The following TENM3 variants were observed in gnomAD, a reference collection of about 807,000 sequenced individuals.
TENM3 encodes the protein teneurin transmembrane protein 3, also known as teneurin-3.
A neutral mutation model predicts 255.1 loss-of-function variants in TENM3; 63 were observed. The observed-to-expected ratio is 0.25, with a 90% CI of 0.20 to 0.30. The LOEUF is 0.30. TENM3 is among the 10% of genes least tolerant of loss of function. The pLI is 1.00. For missense variants in TENM3, 2,929 were observed against 3,461.1 expected (o/e 0.85, Z 3.86); for synonymous variants, 1,306 against 1,322.3 (o/e 0.99, Z 0.27).
the TENM3 span, among the ~76,000 whole-genome samples, chr4:181,915,767 G>A: frequency 1.6e-4 from 24 of 151,910 alleles, no homozygotes; most frequent in African/African-American, 5.6e-4. Context: ...GGAACAGGAA[G>A]GTGATTCAGG....
the TENM3 span, among the ~76,000 whole-genome samples, chr4:181,536,870 G>T: frequency 1.3e-5 from 2 of 152,048 alleles, no homozygotes; most frequent in Non-Finnish European, 2.9e-5. Context: ...GTATTAATTT[G>T]CAATGAGAAA....
chr4:182,675,669 A>C (rs949582433), intron 7 of TENM3, among the ~76,000 whole-genome samples: 11 of 152,212 alleles, frequency 7.2e-5, no homozygotes, highest in Admixed American at 3.9e-4. Context: ...CTGAAACCGC[A>C]TATGTGATTA....
chr4:181,929,004 T>G, the TENM3 span, among the ~76,000 whole-genome samples: 1 of 152,150 alleles, frequency 6.6e-6, no homozygotes, highest in Non-Finnish European at 1.5e-5. Flanking sequence ...CCACTAGGCC[T>G]ACCTTACAAG....
At chr4:182,141,475 G>C (rs1192910685), upstream of TENM3, 1 of 150,214 alleles carries the variant, frequency 6.7e-6, no homozygotes, top group Non-Finnish European at 1.5e-5. Context: ...GGCCTCAAAT[G>C]ATGGAACTTC....
At chr4:181,953,801 CATATA>C in the TENM3 span, among the ~76,000 whole-genome samples, 6 of 152,032 alleles carry the variant, frequency 3.9e-5, no homozygotes, top group Non-Finnish European at 1.5e-5. Context: ...GTATAATTTA[CATATA>C]ATAGAATTCA....
chr4:182,332,998 A>G (rs530746960), intron 2 of TENM3, among the ~76,000 whole-genome samples: 3 of 152,332 alleles, frequency 2.0e-5, no homozygotes, highest in African/African-American at 7.2e-5. Flanking sequence ...GAGTAACCCC[A>G]AAAGATTTCA....
intron 1 of TENM3, among the ~76,000 whole-genome samples, chr4:182,156,697 A>C (rs1161253156): frequency 6.6e-6 from 1 of 151,452 alleles, no homozygotes; most frequent in Non-Finnish European, 1.5e-5. Flanking sequence ...TGAATCTGTA[A>C]AAATTACAAG....
At chr4:182,349,769 A>G in intron 3 of TENM3, 1 of 287,002 alleles carries the variant, frequency 3.5e-6, no homozygotes, top group East Asian at 1.2e-4. Flanking sequence ...AAAAAGCTAT[A>G]GATTTTCTGG....
the TENM3 span, among the ~76,000 whole-genome samples, chr4:181,774,040 AGT>A: frequency 1.1e-5 from 1 of 93,618 alleles, no homozygotes; most frequent in Non-Finnish European, 1.9e-5. Flanking sequence ...TTATACTCTA[AGT>A]TTTAGGGTAC....
chr4:181,913,963 A>G, the TENM3 span, among the ~76,000 whole-genome samples: 9 of 152,212 alleles, frequency 5.9e-5, no homozygotes, highest in African/African-American at 1.7e-4. Context: ...GTGATGTTCA[A>G]TGGAGAAGAT....
At chr4:181,488,305 C>T in the TENM3 span, among the ~76,000 whole-genome samples, 1 of 152,174 alleles carries the variant, frequency 6.6e-6, no homozygotes, top group Non-Finnish European at 1.5e-5. Context: ...ATTGCTTCAT[C>T]AGTACAATTG....
chr4:182,697,069 G>T (rs1447578901), intron 12 of TENM3, among the ~76,000 whole-genome samples: 3 of 152,160 alleles, frequency 2.0e-5, no homozygotes, highest in African/African-American at 7.2e-5. Flanking sequence ...TCATGTGGAA[G>T]AGCACTTAGC....
intron 1 of TENM3, among the ~76,000 whole-genome samples, chr4:182,259,460 C>T (rs1158575121): frequency 1.5e-4 from 23 of 152,104 alleles, no homozygotes; most frequent in African/African-American, 3.9e-4. Flanking sequence ...CACAGGTGCG[C>T]GCCACCACAC....
At chr4:182,330,820 A>T (rs1010875482) in intron 2 of TENM3, among the ~76,000 whole-genome samples, 17 of 152,362 alleles carry the variant, frequency 1.1e-4, no homozygotes, top group Non-Finnish European at 1.5e-4. Flanking sequence ...TGTCAGAAGC[A>T]CTACAAGAGA....
chr4:181,610,800 C>T, the TENM3 span, among the ~76,000 whole-genome samples: 2 of 152,106 alleles, frequency 1.3e-5, no homozygotes, highest in Admixed American at 1.3e-4. Flanking sequence ...ATGGAAGCTA[C>T]CTGTTTATCA....
At chr4:182,564,738 G>A (rs951702870) in intron 3 of TENM3, among the ~76,000 whole-genome samples, 11 of 152,084 alleles carry the variant, frequency 7.2e-5, no homozygotes, top group African/African-American at 2.7e-4. Flanking sequence ...GTAAAGAAAG[G>A]CATCAATACG....
At chr4:182,192,974 T>C (rs1460050005) in intron 1 of TENM3, among the ~76,000 whole-genome samples, 1 of 152,246 alleles carries the variant, frequency 6.6e-6, no homozygotes, top group Non-Finnish European at 1.5e-5. Context: ...GCATATGTGC[T>C]GAACCAGCAA....
At chr4:181,779,307 C>T in the TENM3 span, among the ~76,000 whole-genome samples, 4 of 150,138 alleles carry the variant, frequency 2.7e-5, no homozygotes, top group Non-Finnish European at 3.0e-5. Flanking sequence ...CCTTTTGCTA[C>T]GTGGGCCAAG....
At chr4:182,096,853 G>A in the TENM3 span, among the ~76,000 whole-genome samples, 6 of 152,280 alleles carry the variant, frequency 3.9e-5, no homozygotes, top group East Asian at 3.9e-4. Flanking sequence ...TAAACAGCCC[G>A]AGTTCATCAA....
Sources: allele counts gnomAD v4.1 joint callset (sites outside exome capture counted in the v4.1 genomes callset), GRCh38; gene constraint gnomAD v4.1.1; transcripts MANE v1.5; gene names NCBI Gene and HGNC (gene_info 2026-07-23, HGNC 2026-07-21).